Variants in DPYSL2 observed in about 807,000 individuals in gnomAD.
DPYSL2 encodes dihydropyrimidinase-related protein 2.
Under a neutral mutation model 69.9 loss-of-function variants are expected in DPYSL2, and 13 were observed. The ratio of observed to expected loss-of-function variants is 0.19; its 90% CI spans 0.12 to 0.30. The LOEUF (loss-of-function observed/expected upper bound fraction) is 0.30. Among genes scored for constraint, DPYSL2 ranks in the 10% least tolerant of loss-of-function variants. The probability of loss-of-function intolerance (pLI) is 1.00; values close to 1 mark genes in which losing one functional copy is unlikely to be tolerated. For synonymous variants in DPYSL2, 326 were observed against 359.1 expected (o/e 0.91, Z 1.04); for missense variants, 587 against 918.9 (o/e 0.64, Z 4.67).
At chr8:26,567,128 C>CCATA (rs1273584299) in intron 1 of DPYSL2, among the ~76,000 whole-genome samples, 3 of 151,042 alleles carry the variant, frequency 2.0e-5, no homozygotes, top group African/African-American at 7.3e-5. Context: ...ATCCATCCAT[C>CCATA]CATACAAACA....
intron 1 of DPYSL2, among the ~76,000 whole-genome samples, chr8:26,549,309 C>T (rs949306715): frequency 6.6e-6 from 1 of 151,714 alleles, no homozygotes; most frequent in African/African-American, 2.4e-5. Flanking sequence ...AGAGGCAGGA[C>T]CCAGCCAAAG....
chr8:26,542,660 A>G (rs1030204088), intron 1 of DPYSL2, among the ~76,000 whole-genome samples: 1 of 152,160 alleles, frequency 6.6e-6, no homozygotes, highest in Non-Finnish European at 1.5e-5. Context: ...CTCTGGCTTC[A>G]GGTGATCCTT....
At position 26,647,808 on chromosome 8, in the gene DPYSL2, C is replaced by A; in HGVS notation, c.1596+8C>A. On this transcript the variant is annotated splice_region_variant and intron_variant, in intron 11 of 13. Coordinates refer to ENST00000521913, the MANE Select transcript of DPYSL2 (RefSeq NM_001197293.3). This position sits in a 1 kb window ranked among gnomAD's most constrained non-coding sequence, Gnocchi z 5.1. The stretch of plus-strand genomic sequence containing the variant: ...GCCAAGACACACAACAGCGTAAGAC[C>A]TGTTAACTGTGCAGACCCCATCCAA... 1 of 1,609,708 alleles carries A rather than the reference C, an allele frequency of 6.2e-7. No individual in the cohort carries two copies. Among genetic ancestry groups the A allele is most frequent in the Non-Finnish European group, 8.5e-7 (1 of 1,177,674 alleles).
chr8:26,535,725 T>C (rs1800581053), intron 1 of DPYSL2, among the ~76,000 whole-genome samples: 1 of 151,858 alleles, frequency 6.6e-6, no homozygotes, highest in South Asian at 2.1e-4. Flanking sequence ...CTGGTCAAGA[T>C]GATATTGTTA....
chr8:26,623,041 T>A (rs1802533447), intron 3 of DPYSL2, among the ~76,000 whole-genome samples: 1 of 152,220 alleles, frequency 6.6e-6, no homozygotes, highest in Non-Finnish European at 1.5e-5. Context: ...TTTTAGTGCT[T>A]GTGTGCAGAA....
rs767596427 is a variant in DPYSL2 at position 26,655,605 on chromosome 8, C to T, written c.1943-10C>T. The T allele has an allele frequency of 3.8e-6, 6 of 1,596,836 alleles. No homozygotes were observed. Among genetic ancestry groups the T allele is most frequent in the African/African-American group, 2.7e-5 (2 of 74,594 alleles). On this transcript the variant is annotated splice_polypyrimidine_tract_variant and intron_variant, in intron 13 of 13. Coordinates refer to ENST00000521913, the MANE Select transcript of DPYSL2 (RefSeq NM_001197293.3). Reference sequence around the variant, plus strand: ...CCCTCACCCGCTCCTCTCTTCTCCTCTCCCTCCAGGTGCTCAGATTGATGA... The same window carrying T: ...CCCTCACCCGCTCCTCTCTTCTCCTTTCCCTCCAGGTGCTCAGATTGATGA...
In DPYSL2 at chr8:26,648,151, G is replaced by C. The variant is rs536968860; in HGVS notation, c.1596+351G>C. 6.6e-6 allele frequency among the ~76,000 whole-genome samples: 1 copy of C among 152,244 alleles called. No homozygotes were observed. Among genetic ancestry groups the C allele is most frequent in the South Asian group, 2.1e-4 (1 of 4,810 alleles). On this transcript the variant is annotated intron_variant, in intron 11 of 13. Transcript: ENST00000521913. The surrounding 1 kb of genome is among the most constrained non-coding windows in gnomAD (Gnocchi z 4.3). ...TCTCATGGCAGTACTTGGTGCAAGG[G>C]ACCTCAATGAAGCAGTGAGATGTCC...
chr8:26,529,333 C>CTA lies in DPYSL2; in HGVS notation c.354+14664_354+14665dup, dbSNP rs528619316. ...ATCTATCTATCTATCATCTATCTAT[C>CTA]TATATATATATTTAGAGACAGGATC... is the stretch of plus-strand genomic sequence containing the variant. On this transcript the variant is annotated intron_variant, in intron 1 of 13. Transcript: ENST00000521913. 1.9e-3 allele frequency among the ~76,000 whole-genome samples: 292 copies of CTA among 151,510 alleles called. 1 individual carries two copies. The highest frequency in any genetic ancestry group is 6.5e-3 in the African/African-American group (267 of 41,206).
chr8:26,514,793 C>A lies in DPYSL2; in HGVS notation c.354+114C>A. 1.1e-6 allele frequency: 1 copy of A among 948,360 alleles called. No individual in the cohort carries two copies. Among genetic ancestry groups the A allele is most frequent in the Non-Finnish European group, 1.4e-6 (1 of 692,982 alleles). The allele number at this position is 948,360 out of a possible 1,614,324, so 58.7% of individuals were successfully genotyped here. On this transcript the variant is annotated intron_variant, in intron 1 of 13. Coordinates refer to ENST00000521913, the MANE Select transcript of DPYSL2 (RefSeq NM_001197293.3). This position sits in a 1 kb window ranked among gnomAD's most constrained non-coding sequence, Gnocchi z 8.4. The stretch of plus-strand genomic sequence containing the variant: ...GCCCCGCCCTGGACCTCGCCTCCCG[C>A]ATCTGCACGCGCACCCCGCCCTACC...
rs775052717 is a variant in DPYSL2, at chr8:26,653,323, C to T, written c.1868C>T (p.Ser623Leu). The change falls in exon 13 of 14, where the codon TCG becomes TTG. Residue 623 changes from serine to leucine, a missense_variant. By Grantham distance (145) the Ser-to-Leu change is moderately radical (BLOSUM62 -2). Around this residue, in one of 3 missense-constraint regions of DPYSL2, gnomAD observed 452 missense variants for 754.3 expected, o/e 0.60. Transcript: ENST00000521913. The surrounding 1 kb of genome is among the most constrained non-coding windows in gnomAD (Gnocchi z 5.7). ...CCCAAGACAGTCACTCCAGCCTCCT[C>T]GGCCAAGACGTCTCCTGCCAAGCAG... ...VTPKTVTPAS[S>L]AKTSPAKQQA... 2 of 1,614,138 alleles carry T rather than the reference C, an allele frequency of 1.2e-6. No homozygotes were observed. Among genetic ancestry groups the T allele is most frequent in the South Asian group, 1.1e-5 (1 of 91,076 alleles).
chr8:26,636,779 C>CACT (rs1802927589), intron 8 of DPYSL2, among the ~76,000 whole-genome samples: 2 of 152,034 alleles, frequency 1.3e-5, no homozygotes, highest in Non-Finnish European at 2.9e-5. Flanking sequence ...CTCACTCTGT[C>CACT]GCCCAGGCAG....
chr8:26,639,914 T>C (rs187657779), intron 8 of DPYSL2, among the ~76,000 whole-genome samples: 6 of 152,348 alleles, frequency 3.9e-5, no homozygotes, highest in African/African-American at 1.4e-4. Context: ...ATTTTTAAGA[T>C]GATGTTCTTC....
intron 1 of DPYSL2, among the ~76,000 whole-genome samples, chr8:26,556,126 T>TATATATAGTATATATAGTATATATAGTA (rs1491379170): frequency 2.2e-4 from 3 of 13,336 alleles, no homozygotes; most frequent in African/African-American, 1.2e-3. Context: ...ACTATATATA[T>TATATATAGTATATATAGTATATATAGTA]TATATATACT....
intron 1 of DPYSL2, among the ~76,000 whole-genome samples, chr8:26,570,938 C>G (rs1028599035): frequency 5.3e-5 from 8 of 152,192 alleles, no homozygotes; most frequent in African/African-American, 1.9e-4. Context: ...CAGTGCTATG[C>G]TTAGAGCATG....
At chr8:26,632,330 A>C (rs1270503327) in intron 7 of DPYSL2, among the ~76,000 whole-genome samples, 3 of 152,242 alleles carry the variant, frequency 2.0e-5, no homozygotes, top group Admixed American at 1.3e-4. Context: ...GCGAGGAGAA[A>C]GAGGTAGACA....
rs1418244070 is a variant in DPYSL2 at position 26,648,641 on chromosome 8, C to T, written c.1596+841C>T. ...AAATGGGCCTCGGGCAGAAGAGTTTCGTGTCAGGAACTCATTTGAATCTTG... is the reference window on the plus strand; with the variant it reads ...AAATGGGCCTCGGGCAGAAGAGTTTTGTGTCAGGAACTCATTTGAATCTTG... On this transcript the variant is annotated intron_variant, in intron 11 of 13. Transcript: ENST00000521913. The surrounding 1 kb of genome is among the most constrained non-coding windows in gnomAD (Gnocchi z 4.3). Among the ~76,000 whole-genome samples, 1 of 152,164 alleles carries T rather than the reference C, an allele frequency of 6.6e-6. No individual in the cohort carries two copies. The highest frequency in any genetic ancestry group is 2.1e-4 in the South Asian group (1 of 4,832).
intron 3 of DPYSL2, among the ~76,000 whole-genome samples, chr8:26,608,562 C>T (rs1802158474): frequency 6.6e-6 from 1 of 152,276 alleles, no homozygotes; most frequent in African/African-American, 2.4e-5. Flanking sequence ...TTTGTGTGGA[C>T]CCTGGACTCC....
At chr8:26,578,492 A>G in intron 1 of DPYSL2, 5 of 1,442,284 alleles carry the variant, frequency 3.5e-6, no homozygotes, top group Non-Finnish European at 4.5e-6. Flanking sequence ...CATCGTTTGC[A>G]AGGCATTAAA....
At chr8:26,529,276 C>CTATCAATCATCT (rs1554531948) in intron 1 of DPYSL2, among the ~76,000 whole-genome samples, 1 of 136,288 alleles carries the variant, frequency 7.3e-6, no homozygotes, top group African/African-American at 2.8e-5. Context: ...ATCTATCTAT[C>CTATCAATCATCT]ATCTATCTAT....
Sources: allele counts gnomAD v4.1 joint callset (sites outside exome capture counted in the v4.1 genomes callset), GRCh38; gene constraint gnomAD v4.1.1; regional missense constraint gnomAD v4.1.1; non-coding constraint Gnocchi (gnomAD v3.1); transcripts MANE v1.5; gene names NCBI Gene and HGNC (gene_info 2026-07-23, HGNC 2026-07-21).